DTD1: variants seen among roughly 807,000 people sequenced by gnomAD.
DTD1 encodes D-aminoacyl-tRNA deacylase 1, also known as D-tyrosyl-tRNA deacylase 1 homolog.
DTD1 carries 13 observed loss-of-function variants against 25.6 expected under a neutral mutation model. The observed-to-expected ratio is 0.51, with a 90% confidence interval of 0.33 to 0.81. The LOEUF (loss-of-function observed/expected upper bound fraction) is 0.81. DTD1 is among the 30% of genes least tolerant of loss of function. DTD1 has a pLI of 0.02. For synonymous variants in DTD1, 110 were observed against 103.6 expected, an observed-to-expected ratio of 1.06 and a Z score of -0.37; for missense variants, 193 against 266.4, an observed-to-expected ratio of 0.72 and a Z score of 1.92.
chr20:18,678,520 C>T (rs1298157345), intron 4 of DTD1, among the ~76,000 whole-genome samples: 1 of 152,058 alleles, frequency 6.6e-6, no homozygotes, highest in Non-Finnish European at 1.5e-5. Flanking sequence ...TTTTGAAACT[C>T]GATTGCAGGT....
At chr20:18,601,723 A>G (rs572940366) in intron 3 of DTD1, among the ~76,000 whole-genome samples, 2 of 152,152 alleles carry the variant, frequency 1.3e-5, no homozygotes, top group Admixed American at 1.3e-4. Flanking sequence ...CCTGTCTGTT[A>G]GAAGAAAAAC....
intron 4 of DTD1, among the ~76,000 whole-genome samples, chr20:18,670,392 G>A (rs927996735): frequency 5.3e-5 from 8 of 152,160 alleles, no homozygotes; most frequent in African/African-American, 1.9e-4. Context: ...GGAGGCGGAG[G>A]TTGCGGTGAG....
At position 18,652,924 on chromosome 20, in the gene DTD1, T is replaced by TA. The variant is rs1182144561; in HGVS notation, c.477+24694dup. ...GATGCTTTCATGTCTGTTTAGGGAC[T>TA]AAATGGCACTGGGGAATAGAGGAGA... On this transcript the variant is annotated intron_variant, in intron 4 of 5. Coordinates refer to ENST00000377452, the MANE Select transcript of DTD1 (RefSeq NM_080820.6). Among the ~76,000 whole-genome samples, 3 of 152,324 alleles carry TA rather than the reference T, an allele frequency of 2.0e-5. No individual in the cohort carries two copies. In the South Asian group the frequency reaches 6.2e-4, roughly 32 times the overall value.
At chr20:18,643,336 G>T in intron 4 of DTD1, 1 of 262,716 alleles carries the variant, frequency 3.8e-6, no homozygotes. Flanking sequence ...ACACCGTCTG[G>T]CTTCTCTACC....
intron 4 of DTD1, among the ~76,000 whole-genome samples, chr20:18,637,864 T>C (rs1568654674): frequency 6.6e-6 from 1 of 152,238 alleles, no homozygotes; most frequent in Non-Finnish European, 1.5e-5. Context: ...CATGAATAAG[T>C]ATCACAATTT....
At chr20:18,645,451 T>G (rs560085662) in intron 4 of DTD1, among the ~76,000 whole-genome samples, 1 of 152,226 alleles carries the variant, frequency 6.6e-6, no homozygotes, top group South Asian at 2.1e-4. Flanking sequence ...AAAAATGAGA[T>G]AGACTTAGAT....
chr20:18,602,731 T>C (rs2060640621), intron 3 of DTD1, among the ~76,000 whole-genome samples: 2 of 48,608 alleles, frequency 4.1e-5, no homozygotes, highest in African/African-American at 7.7e-5. Flanking sequence ...TGCTGAGAGA[T>C]TTTGTCACCA....
intron 4 of DTD1, among the ~76,000 whole-genome samples, chr20:18,718,916 G>A (rs2061192217): frequency 6.6e-6 from 1 of 152,198 alleles, no homozygotes; most frequent in Non-Finnish European, 1.5e-5. Flanking sequence ...AGCCTGACTT[G>A]CCACACCTTC....
At chr20:18,673,254 T>C (rs780378346) in intron 4 of DTD1, among the ~76,000 whole-genome samples, 1 of 152,236 alleles carries the variant, frequency 6.6e-6, no homozygotes, top group Non-Finnish European at 1.5e-5. Flanking sequence ...TCATATTTTG[T>C]ACCCACCTAA....
chr20:18,743,740 A>G (rs2061288473), intron 4 of DTD1, among the ~76,000 whole-genome samples: 1 of 152,000 alleles, frequency 6.6e-6, no homozygotes, highest in Non-Finnish European at 1.5e-5. Flanking sequence ...TAACTTGATG[A>G]GAAAAAAAAC....
rs1359361552 is a variant in DTD1, at chr20:18,608,400, T to A, written c.370+12159T>A. Among the ~76,000 whole-genome samples, 3 of 152,122 alleles carry A rather than the reference T, an allele frequency of 2.0e-5. No homozygotes were observed. The East Asian group carries it at 5.8e-4, about 29-fold the overall frequency. ...TTTTTTTAAAAAGTTTATATGCTAA[T>A]CTTCTCTGTATTGTTCCAATTTTAG... is the stretch of plus-strand genomic sequence containing the variant. On this transcript the variant is annotated intron_variant, in intron 3 of 5. Coordinates refer to ENST00000377452, the MANE Select transcript of DTD1 (RefSeq NM_080820.6).
chr20:18,703,585 GT>G (rs746792089), intron 4 of DTD1, among the ~76,000 whole-genome samples: 1 of 150,856 alleles, frequency 6.6e-6, no homozygotes, highest in East Asian at 1.9e-4. Context: ...TTTTCCATTT[GT>G]TTTTTTAACC....
At chr20:18,748,015 C>T (rs527629456) in intron 5 of DTD1, among the ~76,000 whole-genome samples, 55 of 152,136 alleles carry the variant, frequency 3.6e-4, no homozygotes, top group Middle Eastern at 3.4e-3. Context: ...GAGACTCCAT[C>T]TCAAAAACAA....
chr20:18,634,459 A>G (rs766592605), intron 4 of DTD1, among the ~76,000 whole-genome samples: 4 of 152,236 alleles, frequency 2.6e-5, no homozygotes, highest in Non-Finnish European at 5.9e-5. Context: ...GGAGCTAAAA[A>G]AATGAACTTT....
intron 4 of DTD1, among the ~76,000 whole-genome samples, chr20:18,629,527 T>A (rs1224490799): frequency 6.6e-6 from 1 of 151,956 alleles, no homozygotes; most frequent in Non-Finnish European, 1.5e-5. Flanking sequence ...CTTGAACTCC[T>A]GGGCTCAACT....
At chr20:18,603,682 C>T (rs1401338640) in intron 3 of DTD1, among the ~76,000 whole-genome samples, 2 of 124,356 alleles carry the variant, frequency 1.6e-5, no homozygotes, top group Non-Finnish European at 3.5e-5. Flanking sequence ...CTACCGGGTA[C>T]ATAACGAAAT....
intron 3 of DTD1, among the ~76,000 whole-genome samples, chr20:18,611,528 A>G (rs1303695746): frequency 6.6e-6 from 1 of 152,062 alleles, no homozygotes; most frequent in South Asian, 2.1e-4. Flanking sequence ...GTGAAATTTT[A>G]TTTTACATTT....
At chr20:18,735,488 A>G (rs2061251845) in intron 4 of DTD1, among the ~76,000 whole-genome samples, 1 of 152,242 alleles carries the variant, frequency 6.6e-6, no homozygotes, top group East Asian at 1.9e-4. Context: ...CTCTTATTTA[A>G]CTGACCTCAT....
At chr20:18,716,225 C>G (rs956472228) in intron 4 of DTD1, among the ~76,000 whole-genome samples, 1 of 152,186 alleles carries the variant, frequency 6.6e-6, no homozygotes, top group African/African-American at 2.4e-5. Context: ...CTTTGATATC[C>G]CAGAAGCATT....
Sources: allele counts gnomAD v4.1 joint callset (sites outside exome capture counted in the v4.1 genomes callset), GRCh38; gene constraint gnomAD v4.1.1; transcripts MANE v1.5; gene names NCBI Gene and HGNC (gene_info 2026-07-23, HGNC 2026-07-21).